Variants in PDE10A observed in about 807,000 individuals in gnomAD.
PDE10A encodes the protein phosphodiesterase 10A, also known as cAMP and cAMP-inhibited cGMP 3',5'-cyclic phosphodiesterase 10A.
PDE10A carries 39 observed loss-of-function variants against 97.7 expected under a neutral mutation model. The ratio of observed to expected loss-of-function variants is 0.40; its 90% CI spans 0.31 to 0.52. The LOEUF (loss-of-function observed/expected upper bound fraction) is 0.52, where lower values mean the gene tolerates loss of function less well. PDE10A is among the 20% of genes least tolerant of loss of function. PDE10A has a pLI of 0.56. For missense variants in PDE10A, 731 were observed against 1,047.8 expected (o/e 0.70, Z 4.17); for synonymous variants, 371 against 376.8 (o/e 0.98, Z 0.18).
At chr6:165,821,549 G>A (rs1039289437) in intron 1 of PDE10A, among the ~76,000 whole-genome samples, 2 of 151,894 alleles carry the variant, frequency 1.3e-5, no homozygotes, top group Non-Finnish European at 2.9e-5. Flanking sequence ...CAGTCTTGCT[G>A]TGTCCTCCAG....
upstream of PDE10A, among the ~76,000 whole-genome samples, chr6:165,665,217 G>A (rs576035007): frequency 3.3e-5 from 5 of 152,330 alleles, no homozygotes; most frequent in Admixed American, 1.3e-4. Flanking sequence ...GTCCACGTTT[G>A]TTACTGTAAG....
chr6:165,611,717 A>G (rs539426300), intron 1 of PDE10A, among the ~76,000 whole-genome samples: 1 of 152,336 alleles, frequency 6.6e-6, no homozygotes, highest in African/African-American at 2.4e-5. Flanking sequence ...ACACAAATAC[A>G]ATTTTCTGTA....
intron 17 of PDE10A, among the ~76,000 whole-genome samples, chr6:165,386,593 A>G (rs1380290590): frequency 6.6e-6 from 1 of 152,200 alleles, no homozygotes; most frequent in African/African-American, 2.4e-5. Context: ...CAAAGTAGAC[A>G]TTAGCTGTCA....
chr6:165,562,638 G>C (rs1377932414), intron 1 of PDE10A, among the ~76,000 whole-genome samples: 1 of 152,102 alleles, frequency 6.6e-6, no homozygotes, highest in Non-Finnish European at 1.5e-5. Context: ...CCGTGACACT[G>C]CACTGCTCCA....
At chr6:165,598,590 T>C (rs1242415941) in intron 1 of PDE10A, among the ~76,000 whole-genome samples, 1 of 152,132 alleles carries the variant, frequency 6.6e-6, no homozygotes, top group Non-Finnish European at 1.5e-5. Flanking sequence ...ATGGTGATAA[T>C]AATAGTATCA....
chr6:165,669,670 T>G (rs1384352540), intron 1 of PDE10A, among the ~76,000 whole-genome samples: 2 of 152,238 alleles, frequency 1.3e-5, no homozygotes, highest in African/African-American at 4.8e-5. Flanking sequence ...AAAGCTTACT[T>G]TTCTCCTCCC....
At position 165,327,859 on chromosome 6, in the gene PDE10A, G is replaced by A. The variant is rs931749040; in HGVS notation, c.*5166C>T. On this transcript the variant is annotated 3_prime_UTR_variant, in exon 22 of 22. Transcript: ENST00000539869. ...TACAAATCAGTTCTTCATGAGCATT[G>A]TATTTGTGATGGCATATAACCTGTG... is the stretch of plus-strand genomic sequence containing the variant. 6 of 152,180 alleles carry A rather than the reference G, an allele frequency of 3.9e-5. No homozygotes were observed. Among genetic ancestry groups the A allele is most frequent in the African/African-American group, 1.4e-4 (6 of 41,434 alleles). 9.4% of individuals were successfully genotyped at this position (152,180 alleles called of 1,614,324 possible).
chr6:165,957,395 C>T (rs1354633245), intron 1 of PDE10A, among the ~76,000 whole-genome samples: 3 of 152,120 alleles, frequency 2.0e-5, no homozygotes, highest in South Asian at 4.1e-4. Context: ...GTGAGAGAAT[C>T]GCTTGACCCC....
intron 1 of PDE10A, among the ~76,000 whole-genome samples, chr6:165,697,705 T>C (rs1436722751): frequency 6.6e-6 from 1 of 152,170 alleles, no homozygotes; most frequent in Non-Finnish European, 1.5e-5. Flanking sequence ...TTTCAGGGAC[T>C]GGGTAGATGG....
chr6:165,336,731 G>A (rs975101461), intron 20 of PDE10A, among the ~76,000 whole-genome samples: 2 of 148,638 alleles, frequency 1.3e-5, no homozygotes, highest in African/African-American at 5.0e-5. Context: ...AGTCCGGCCT[G>A]GGCGACAGAG....
At chr6:165,443,712 T>G (rs573114857) in intron 5 of PDE10A, among the ~76,000 whole-genome samples, 1 of 152,310 alleles carries the variant, frequency 6.6e-6, no homozygotes, top group South Asian at 2.1e-4. Context: ...GGCATTTCTA[T>G]CATCCTCTGA....
chr6:165,344,488 T>C (rs1782182250), intron 18 of PDE10A, among the ~76,000 whole-genome samples: 1 of 152,198 alleles, frequency 6.6e-6, no homozygotes, highest in Non-Finnish European at 1.5e-5. Context: ...TCCCCTGCTG[T>C]TAACCACTGC....
intron 1 of PDE10A, among the ~76,000 whole-genome samples, chr6:165,674,330 GA>G (rs34849813): frequency 0.46 from 64,561 of 141,292 alleles, 14,799 homozygotes; most frequent in East Asian, 0.74. Context: ...AGCAGGAAAA[GA>G]AAAAAAAAAA....
chr6:165,338,605 G>GA (rs745852037), intron 20 of PDE10A, among the ~76,000 whole-genome samples: 14 of 152,068 alleles, frequency 9.2e-5, no homozygotes, highest in Non-Finnish European at 1.8e-4. Flanking sequence ...TTATTTGTCA[G>GA]AAAAAAATGA....
At chr6:165,668,888 A>T (rs1042615659) in intron 1 of PDE10A, among the ~76,000 whole-genome samples, 1 of 152,226 alleles carries the variant, frequency 6.6e-6, no homozygotes, top group Admixed American at 6.5e-5. Context: ...GGTTTTAATG[A>T]GGAGACAATG....
Position 165,330,526 on chromosome 6 carries a change from T to C in PDE10A, c.*2499A>G, listed in dbSNP as rs2128171030. On this transcript the variant is annotated 3_prime_UTR_variant, in exon 22 of 22. Transcript: ENST00000539869. ...ACATGGTAAAAGCAATATTGACAGTTTATATCAGAATTCAGTCTTTTGTTC... is the reference window on the plus strand; with the variant it reads ...ACATGGTAAAAGCAATATTGACAGTCTATATCAGAATTCAGTCTTTTGTTC... 6.6e-6 allele frequency: 1 copy of C among 152,320 alleles called. No individual in the cohort carries two copies. Among genetic ancestry groups the C allele is most frequent in the East Asian group, 1.9e-4 (1 of 5,184 alleles). 9.4% of individuals were successfully genotyped at this position (152,320 alleles called of 1,614,324 possible). A position where few individuals can be genotyped will look rare whatever the true frequency, so the allele number is the denominator to read the frequency against.
chr6:165,573,455 T>C (rs1227490017), intron 1 of PDE10A, among the ~76,000 whole-genome samples: 1 of 152,180 alleles, frequency 6.6e-6, no homozygotes, highest in Non-Finnish European at 1.5e-5. Flanking sequence ...ATGACCCTAG[T>C]CTACATTTAG....
chr6:165,350,718 A>C (rs936839905), intron 18 of PDE10A, among the ~76,000 whole-genome samples: 1 of 152,146 alleles, frequency 6.6e-6, no homozygotes, highest in Non-Finnish European at 1.5e-5. Flanking sequence ...GAGATAATTG[A>C]AACATGGGGG....
At chr6:165,336,510 G>A (rs1781657325) in intron 20 of PDE10A, among the ~76,000 whole-genome samples, 1 of 152,172 alleles carries the variant, frequency 6.6e-6, no homozygotes, top group Non-Finnish European at 1.5e-5. Context: ...AGCACTTTGG[G>A]AGGCCGAGGC....
Sources: allele counts gnomAD v4.1 joint callset (sites outside exome capture counted in the v4.1 genomes callset), GRCh38; gene constraint gnomAD v4.1.1; transcripts MANE v1.5; gene names NCBI Gene and HGNC (gene_info 2026-07-23, HGNC 2026-07-21).